MYO10: variants seen among roughly 807,000 people sequenced by gnomAD.
MYO10 encodes unconventional myosin-X.
Under a neutral mutation model 257.3 loss-of-function variants are expected in MYO10, and 133 were observed. The ratio of observed to expected loss-of-function variants is 0.52; its 90% CI spans 0.45 to 0.60. The LOEUF is 0.60. Ranked by LOEUF, MYO10 falls within the 20% of genes least tolerant of loss-of-function variation. MYO10 has a pLI of 0.00. For synonymous variants in MYO10, 1,104 were observed against 1,028.6 expected (o/e 1.07, Z -1.40); for missense variants, 2,399 against 2,635.7 (o/e 0.91, Z 1.97).
In MYO10 at chr5:16,670,660, C is replaced by G. The variant is rs1736406839; in HGVS notation, c.5749G>C (p.Val1917Leu). ...ATGATACTGGCTCGAGCAGAGGAGA[C>G]TTCTTCCTTAATCCACATGTCCAGC... The part of the protein sequence containing the change: ...QMLDMWIKEE[V>L]SSARASIIDK... The change falls in exon 39 of 41, where the codon GTC becomes CTC. Residue 1917 changes from valine to leucine, a missense_variant. Val to Leu is a conservative substitution (Grantham distance 32). Around this residue, in one of 3 missense-constraint regions of MYO10, gnomAD observed 1,820 missense variants for 1,939.4 expected, o/e 0.94. Transcript: ENST00000513610. The G allele has an allele frequency of 6.2e-7, 1 of 1,614,012 alleles. No individual in the cohort carries two copies. Among genetic ancestry groups the G allele is most frequent in the Non-Finnish European group, 8.5e-7 (1 of 1,179,890 alleles).
chr5:16,700,933 T>C, intron 25 of MYO10, 30 bp downstream of exon 25: 1 of 1,515,440 alleles, frequency 6.6e-7, no homozygotes, highest in Non-Finnish European at 8.9e-7. Flanking sequence ...GGCCACCCAT[T>C]TCACTGGGAC....
At chr5:16,680,851 C>T (rs896000399) in intron 32 of MYO10, among the ~76,000 whole-genome samples, 3 of 152,056 alleles carry the variant, frequency 2.0e-5, no homozygotes, top group African/African-American at 7.2e-5. Flanking sequence ...AAAAATTAGC[C>T]CGGTGTGATG....
rs527975903 is a variant in MYO10, at chr5:16,727,875, CAAA to C, written c.1930-16633_1930-16631del. On this transcript the variant is annotated intron_variant, in intron 19 of 40. Transcript: ENST00000513610. ...TACACTCCGATCCTTCCCCCCAGCC[CAAA>C]AAAAAAAAAAAAAAAACTAGCAAAG... Among the ~76,000 whole-genome samples the C allele has an allele frequency of 7.2e-3, 673 of 93,944 alleles. 5 individuals are homozygous for C. Among genetic ancestry groups the C allele is most frequent in the African/African-American group, 0.022 (651 of 28,934 alleles). The allele number at this position is 93,944 out of a possible 152,430, so 61.6% of individuals were successfully genotyped here. A position where few individuals can be genotyped will look rare whatever the true frequency, so the allele number is the denominator to read the frequency against.
intron 26 of MYO10, among the ~76,000 whole-genome samples, chr5:16,695,537 AAAG>A (rs1269024633): frequency 5.9e-5 from 9 of 152,234 alleles, no homozygotes; most frequent in Non-Finnish European, 1.3e-4. Flanking sequence ...AAAAAAAAAA[AAAG>A]AAAGCAAGAG....
intron 1 of MYO10, among the ~76,000 whole-genome samples, chr5:16,921,331 T>C (rs932702827): frequency 6.6e-6 from 1 of 151,986 alleles, no homozygotes; most frequent in Non-Finnish European, 1.5e-5. Flanking sequence ...TCTAACACTC[T>C]AGGGAAAGGA....
intron 2 of MYO10, among the ~76,000 whole-genome samples, chr5:16,830,562 G>C (rs11747050): frequency 0.61 from 93,161 of 151,862 alleles, 29,289 homozygotes; most frequent in East Asian, 0.83. Context: ...TTAGTGTGCA[G>C]AAAACAATCA....
At chr5:16,762,005 A>T (rs755455341) in intron 16 of MYO10, 40 bp downstream of exon 16, 8 of 1,485,766 alleles carry the variant, frequency 5.4e-6, no homozygotes, top group African/African-American at 1.4e-5. Context: ...TCTGAATACC[A>T]AACAGGCAAA....
intron 2 of MYO10, among the ~76,000 whole-genome samples, chr5:16,856,950 G>T (rs764889078): frequency 3.3e-5 from 5 of 152,198 alleles, no homozygotes; most frequent in Non-Finnish European, 5.9e-5. Context: ...CATTTAAATA[G>T]GAATCGAGCT....
At chr5:16,781,574 C>A (rs1741425044) in intron 6 of MYO10, 131 bp downstream of exon 6, 1 of 956,360 alleles carries the variant, frequency 1.0e-6, no homozygotes, top group South Asian at 1.7e-5. Flanking sequence ...AGAGCAATAA[C>A]TAACTGTCTA....
chr5:16,932,406 C>T (rs3844491), intron 1 of MYO10, among the ~76,000 whole-genome samples: 49,734 of 151,938 alleles, frequency 0.33, 8,409 homozygotes, highest in Admixed American at 0.46. Flanking sequence ...TCCACTTCAG[C>T]ACATCAACAC....
intron 2 of MYO10, among the ~76,000 whole-genome samples, chr5:16,836,900 C>T (rs937831782): frequency 1.3e-5 from 2 of 152,122 alleles, no homozygotes; most frequent in Non-Finnish European, 2.9e-5. Flanking sequence ...CATGAATGTT[C>T]GTACCAGCAT....
intron 19 of MYO10, among the ~76,000 whole-genome samples, chr5:16,725,849 G>C (rs1157209460): frequency 1.3e-5 from 2 of 150,994 alleles, no homozygotes; most frequent in Admixed American, 6.6e-5. Context: ...GTGCAGTGGC[G>C]TGATCTTGGC....
intron 9 of MYO10, among the ~76,000 whole-genome samples, chr5:16,770,100 T>C (rs1396831389): frequency 6.6e-6 from 1 of 152,056 alleles, no homozygotes; most frequent in Non-Finnish European, 1.5e-5. Context: ...GGTGTGTTGG[T>C]GCACACCTGC....
intron 10 of MYO10, among the ~76,000 whole-genome samples, chr5:16,768,646 C>G (rs1740949916): frequency 7.0e-6 from 1 of 143,294 alleles, no homozygotes; most frequent in African/African-American, 2.6e-5. Flanking sequence ...TTCAAGGAGT[C>G]AGAACATTTT....
chr5:16,789,649 C>A (rs1400021807), intron 4 of MYO10, among the ~76,000 whole-genome samples: 3 of 152,092 alleles, frequency 2.0e-5, no homozygotes, highest in Non-Finnish European at 4.4e-5. Context: ...AAAAGTTAGC[C>A]AGCCATGATG....
At chr5:16,888,063 G>C (rs973771674) in intron 1 of MYO10, among the ~76,000 whole-genome samples, 1 of 152,146 alleles carries the variant, frequency 6.6e-6, no homozygotes, top group Non-Finnish European at 1.5e-5. Context: ...TGGACCTAAA[G>C]AATCAGCCAA....
At chr5:16,668,547 TTGAG>T (rs1736287029) in intron 39 of MYO10, 79 bp from the exon 40 acceptor site, 1 of 1,169,042 alleles carries the variant, frequency 8.6e-7, no homozygotes, top group South Asian at 1.6e-5. Context: ...AAGACAGGCT[TTGAG>T]TGAAGTCCTC....
At chr5:16,681,558 CCACA>C in intron 31 of MYO10, 55 bp from the exon 32 acceptor site, 1 of 1,492,672 alleles carries the variant, frequency 6.7e-7, no homozygotes, top group East Asian at 2.3e-5. Context: ...ACCCCAAAGA[CCACA>C]CAATCATCTG....
At chr5:16,690,088 C>A (rs1263090624) in intron 27 of MYO10, among the ~76,000 whole-genome samples, 169 bp from the exon 28 acceptor site, 2 of 152,040 alleles carry the variant, frequency 1.3e-5, no homozygotes, top group Non-Finnish European at 2.9e-5. Flanking sequence ...GGGTTCTGCA[C>A]CTGTGGATTC....
Sources: allele counts gnomAD v4.1 joint callset (sites outside exome capture counted in the v4.1 genomes callset), GRCh38; gene constraint gnomAD v4.1.1; regional missense constraint gnomAD v4.1.1; transcripts MANE v1.5; gene names NCBI Gene and HGNC (gene_info 2026-07-23, HGNC 2026-07-21).